ARFGEF1: variants seen among roughly 807,000 people sequenced by gnomAD.
ARFGEF1 encodes the protein ARF guanine nucleotide exchange factor 1, also known as brefeldin A-inhibited guanine nucleotide-exchange protein 1.
Under a neutral mutation model 231.0 loss-of-function variants are expected in ARFGEF1, and 42 were observed. The ratio of observed to expected loss-of-function variants is 0.18; its 90% CI spans 0.14 to 0.24. The LOEUF (loss-of-function observed/expected upper bound fraction) is 0.24, where lower values mean the gene tolerates loss of function less well. ARFGEF1 is among the 10% of genes least tolerant of loss of function. The pLI, the probability that ARFGEF1 is intolerant of heterozygous loss-of-function variation, is 1.00. For missense variants in ARFGEF1, 1,345 were observed against 2,192.0 expected, an observed-to-expected ratio of 0.61 and a Z score of 7.72; for synonymous variants, 710 against 732.3, an observed-to-expected ratio of 0.97 and a Z score of 0.49.
Position 67,227,582 on chromosome 8 carries a change from T to C in ARFGEF1, c.3608A>G (p.Asn1203Ser). The C allele has an allele frequency of 3.7e-6, 6 of 1,612,842 alleles. No homozygotes were observed. The highest frequency in any genetic ancestry group is 5.1e-6 in the Non-Finnish European group (6 of 1,179,106). The change falls in exon 26 of 39, where the codon AAT becomes AGT. Residue 1203 changes from asparagine to serine, a missense_variant. By Grantham distance (46) the Asn-to-Ser change is conservative. Transcript: ENST00000262215. ...TACTGCAAAAATAGCTACATCTTCATTAGGATTACACCCAACCTGTAATGG... is the reference window on the plus strand; with the variant it reads ...TACTGCAAAAATAGCTACATCTTCACTAGGATTACACCCAACCTGTAATGG... ...DHFNKVGCNP[N>S]EDVAIFAVDS... is the part of the protein sequence containing the mutation.
intron 8 of ARFGEF1, 145 bp from the exon 9 acceptor site, chr8:67,276,254 C>T (rs1027571315): frequency 6.0e-6 from 5 of 831,834 alleles, no homozygotes; most frequent in Non-Finnish European, 9.2e-6. Context: ...GAATCTGCCA[C>T]GTTGTTTTTC....
In ARFGEF1 at chr8:67,238,806, T is replaced by C; in HGVS notation, c.3067A>G (p.Ile1023Val). 1 of 1,613,774 alleles carries C rather than the reference T, an allele frequency of 6.2e-7. No individual in the cohort carries two copies. Among genetic ancestry groups the C allele is most frequent in the Non-Finnish European group, 8.5e-7 (1 of 1,179,770 alleles). The change falls in exon 21 of 39, where the codon ATT becomes GTT. Residue 1023 changes from isoleucine (I) to valine (V), a missense_variant. Ile to Val is a conservative substitution (Grantham distance 29). Transcript: ENST00000262215. ...SGITEMKQKNIDTIKTLITVA... is the reference protein window; with the variant it reads ...SGITEMKQKNVDTIKTLITVA... Reference sequence around the variant, plus strand: ...GTGATAAGTGTTTTTATTGTGTCAATGTTCTTCTGTTTCATTTCAGTAATA... The same window carrying C: ...GTGATAAGTGTTTTTATTGTGTCAACGTTCTTCTGTTTCATTTCAGTAATA...
chr8:67,240,752 T>C (rs1172650164), intron 19 of ARFGEF1, among the ~76,000 whole-genome samples: 1 of 152,206 alleles, frequency 6.6e-6, no homozygotes, highest in African/African-American at 2.4e-5. Context: ...TTTTAAAAAA[T>C]AGTTAAATAT....
At chr8:67,238,249 A>G in intron 22 of ARFGEF1, 94 bp downstream of exon 22, 1 of 1,316,758 alleles carries the variant, frequency 7.6e-7, no homozygotes, top group East Asian at 2.5e-5. Flanking sequence ...AAGGCATTTT[A>G]TCTTCTCCTT....
At position 67,258,166 on chromosome 8, in the gene ARFGEF1, C is replaced by T; in HGVS notation, c.2360G>A (p.Gly787Glu). The T allele has an allele frequency of 6.2e-7, 1 of 1,613,934 alleles. No individual in the cohort carries two copies. Among genetic ancestry groups the T allele is most frequent in the Non-Finnish European group, 8.5e-7 (1 of 1,179,892 alleles). ...FVSALRMFLEGFRLPGEAQKI... is the reference protein window; with the variant it reads ...FVSALRMFLEEFRLPGEAQKI... ...CTGAGCTTCCCCTGGAAGACGAAATCCTTCTAGAAACATACGAAGGGCTGA... is the reference window on the plus strand; with the variant it reads ...CTGAGCTTCCCCTGGAAGACGAAATTCTTCTAGAAACATACGAAGGGCTGA... Residue 787 changes from glycine to glutamate, a missense_variant, in exon 16 of 39, where the codon GGA becomes GAA. Gly to Glu is a moderately conservative substitution (Grantham distance 98, BLOSUM62 -2). Coordinates refer to ENST00000262215, the MANE Select transcript of ARFGEF1 (RefSeq NM_006421.5).
At chr8:67,266,259 A>AT in intron 13 of ARFGEF1, 52 bp from the exon 14 acceptor site, 3 of 1,455,710 alleles carry the variant, frequency 2.1e-6, no homozygotes, top group Non-Finnish European at 1.9e-6. Context: ...GAAAAAAAAA[A>AT]GTGTAAGGGC....
chr8:67,175,652 G>A (rs1831442708), intron 5 of ARFGEF1: 1 of 669,516 alleles, frequency 1.5e-6, no homozygotes, highest in East Asian at 2.9e-5. Flanking sequence ...CATGAGAGGG[G>A]CCCAGTCATT....
chr8:67,195,287 C>CTGAG (rs966280866), downstream of ARFGEF1: 15 of 804,710 alleles, frequency 1.9e-5, no homozygotes, highest in South Asian at 1.1e-4. Flanking sequence ...TGGGGAAATG[C>CTGAG]TGAGTTGTAA....
At chr8:67,267,855 CG>C (rs1804912907) in intron 10 of ARFGEF1, among the ~76,000 whole-genome samples, 1 of 152,068 alleles carries the variant, frequency 6.6e-6, no homozygotes, top group African/African-American at 2.4e-5. Context: ...CCTAACTGTT[CG>C]TAGATTTAAA....
intron 1 of ARFGEF1, among the ~76,000 whole-genome samples, chr8:67,321,438 G>A (rs1807587743): frequency 6.6e-6 from 1 of 152,006 alleles, no homozygotes; most frequent in Non-Finnish European, 1.5e-5. Flanking sequence ...AGCCAAGGAT[G>A]AGAACTTCTG....
intron 1 of ARFGEF1, among the ~76,000 whole-genome samples, chr8:67,333,101 T>A (rs755531670): frequency 2.5e-4 from 38 of 150,356 alleles, no homozygotes; most frequent in Non-Finnish European, 3.7e-4. Flanking sequence ...AGTGGCGCAA[T>A]CTCAGCTTAC....
At chr8:67,324,445 T>G (rs1807737831) in intron 1 of ARFGEF1, among the ~76,000 whole-genome samples, 1 of 152,242 alleles carries the variant, frequency 6.6e-6, no homozygotes, top group Non-Finnish European at 1.5e-5. Context: ...CAATTAGTTC[T>G]GCCACAGCAT....
intron 1 of ARFGEF1, among the ~76,000 whole-genome samples, chr8:67,331,670 G>C (rs559033958): frequency 1.3e-5 from 2 of 151,974 alleles, no homozygotes; most frequent in African/African-American, 4.8e-5. Context: ...CATAGAAAAT[G>C]AAAGTACAGA....
chr8:67,258,045 G>C, intron 16 of ARFGEF1, 40 bp downstream of exon 16: 1 of 1,541,498 alleles, frequency 6.5e-7, no homozygotes, highest in Non-Finnish European at 9.0e-7. Context: ...CAGTGGTTTG[G>C]ATATAACAGA....
In ARFGEF1 at chr8:67,291,970, G is replaced by T; in HGVS notation, c.793C>A (p.Leu265Ile). 6.2e-7 allele frequency: 1 copy of T among 1,613,934 alleles called. No homozygotes were observed. The highest frequency in any genetic ancestry group is 8.5e-7 in the Non-Finnish European group (1 of 1,179,904). The change falls in exon 6 of 39, where the codon CTT (leucine) becomes ATT (isoleucine). Residue 265 changes from leucine (L) to isoleucine (I), a missense_variant. Leu to Ile is a conservative substitution (Grantham distance 5). This residue lies in a region of ARFGEF1 where 398 missense variants were observed against 463.2 expected (regional missense o/e 0.86). Transcript: ENST00000262215. Reference sequence around the variant, plus strand: ...TCTACATCATTTGTATGGAGGTCAAGGTCCCCTTCGTGTTCTTGGGATATA... The same window carrying T: ...TCTACATCATTTGTATGGAGGTCAATGTCCCCTTCGTGTTCTTGGGATATA... ...DHISQEHEGD[L>I]DLHTNDVDKS...
chr8:67,340,954 G>A (rs1808597227), intron 1 of ARFGEF1, among the ~76,000 whole-genome samples: 1 of 152,202 alleles, frequency 6.6e-6, no homozygotes, highest in South Asian at 2.1e-4. Context: ...ATGCTCATGA[G>A]TGGTAGGGAA....
At chr8:67,238,706 T>C (rs1839842415) in intron 21 of ARFGEF1, 29 bp downstream of exon 21, 5 of 1,605,440 alleles carry the variant, frequency 3.1e-6, no homozygotes, top group African/African-American at 1.3e-5. Context: ...ATAAACCAAA[T>C]TGCAAAGTTG....
chr8:67,211,523 A>T lies in ARFGEF1; in HGVS notation c.4779T>A (p.Ser1593=). 6.3e-7 allele frequency: 1 copy of T among 1,593,852 alleles called. No individual in the cohort carries two copies. The highest frequency in any genetic ancestry group is 8.5e-7 in the Non-Finnish European group (1 of 1,172,774). The change falls in exon 34 of 39, where the codon TCT becomes TCA. Residue 1593 remains serine, a synonymous_variant. Transcript: ENST00000262215. ...TTTTGCTGACTTCTTCATTAACAGC[A>T]GACGCAGAAACCAGTGGTGCTTGTG... ...NRPQAPLVSA[S]AVNEEVSKIK...
intron 23 of ARFGEF1, among the ~76,000 whole-genome samples, chr8:67,229,658 T>C (rs962979117): frequency 3.3e-5 from 5 of 151,924 alleles, no homozygotes; most frequent in African/African-American, 1.2e-4. Flanking sequence ...ATTAAAGATA[T>C]ACAACGTCTA....
Sources: gnomAD v4.1 joint callset for allele counts (sites outside exome capture counted in the v4.1 genomes callset) on GRCh38, gnomAD v4.1.1 for gene constraint, gnomAD v4.1.1 regional missense constraint, MANE v1.5 for transcripts, NCBI Gene and HGNC (gene_info 2026-07-23, HGNC 2026-07-21) for gene names.